Variants in NPNT observed in about 807,000 individuals in gnomAD.
NPNT encodes the protein nephronectin, also known as preosteoblast EGF-like repeat protein with MAM domain.
NPNT carries 45 observed loss-of-function variants against 68.6 expected under a neutral mutation model. The observed-to-expected ratio is 0.66, with a 90% CI of 0.52 to 0.84. NPNT has a LOEUF of 0.84. NPNT is among the 40% of genes least tolerant of loss of function. The pLI, the probability that NPNT is intolerant of heterozygous loss-of-function variation, is 0.00. For synonymous variants in NPNT, 233 were observed against 253.3 expected, an observed-to-expected ratio of 0.92 and a Z score of 0.76; for missense variants, 672 against 714.8, an observed-to-expected ratio of 0.94 and a Z score of 0.68.
Position 105,971,575 on chromosome 4 carries a change from T to C in NPNT, c.*2585T>C, listed in dbSNP as rs1420207937. 6.5e-6 allele frequency: 1 copy of C among 153,448 alleles called. No individual in the cohort carries two copies. The highest frequency in any genetic ancestry group is 2.4e-5 in the African/African-American group (1 of 41,468). The allele number at this position is 153,448 out of a possible 1,614,324, so 9.5% of individuals were successfully genotyped here. A position where few individuals can be genotyped will look rare whatever the true frequency, so the allele number is the denominator to read the frequency against. On this transcript the variant is annotated 3_prime_UTR_variant, in exon 12 of 12. Coordinates refer to ENST00000379987, the MANE Select transcript of NPNT (RefSeq NM_001033047.3). ...ATCCAAAGTACTGTATAACATCTTGTTTATTATTTAATGTTTTCTAAAATA... is the reference window on the plus strand; with the variant it reads ...ATCCAAAGTACTGTATAACATCTTGCTTATTATTTAATGTTTTCTAAAATA...
intron 2 of NPNT, among the ~76,000 whole-genome samples, chr4:105,918,310 CAT>C (rs945283516): frequency 3.3e-5 from 5 of 152,066 alleles, no homozygotes; most frequent in African/African-American, 1.2e-4. Flanking sequence ...CTCTTTTAAA[CAT>C]AGAGATTTTG....
intron 3 of NPNT, among the ~76,000 whole-genome samples, chr4:105,930,013 G>T (rs1332124763): frequency 6.6e-6 from 1 of 152,126 alleles, no homozygotes; most frequent in East Asian, 1.9e-4. Context: ...GTAGCAAAAT[G>T]GGATTTTACA....
chr4:105,926,596 A>G (rs1728700822), intron 2 of NPNT, among the ~76,000 whole-genome samples: 1 of 152,186 alleles, frequency 6.6e-6, no homozygotes, highest in South Asian at 2.1e-4. Context: ...TAGAGAATAA[A>G]CGGAATAAAT....
intron 8 of NPNT, among the ~76,000 whole-genome samples, chr4:105,953,834 C>G (rs1456825850): frequency 1.3e-5 from 2 of 152,200 alleles, no homozygotes; most frequent in Admixed American, 6.5e-5. Flanking sequence ...AATGCCAGAA[C>G]TGGCCTGGGT....
In NPNT at chr4:105,935,102, A is replaced by G. The variant is rs115722662; in HGVS notation, c.266-1907A>G. ...TGTAAACACCGAATCCATTCCCATC[A>G]GGAACTCACAAAAGTTTCTGTTATG... is the stretch of plus-strand genomic sequence containing the variant. On this transcript the variant is annotated intron_variant, in intron 3 of 11. Coordinates refer to ENST00000379987, the MANE Select transcript of NPNT (RefSeq NM_001033047.3). 5.1e-3 allele frequency among the ~76,000 whole-genome samples: 772 copies of G among 152,334 alleles called. 9 individuals carry two copies. Among genetic ancestry groups the G allele is most frequent in the African/African-American group, 0.018 (731 of 41,578 alleles).
At chr4:105,958,684 T>C (rs1433051205) in intron 9 of NPNT, 127 bp downstream of exon 9, 1 of 539,374 alleles carries the variant, frequency 1.9e-6, no homozygotes, top group East Asian at 3.1e-5. Context: ...ACAACTCAGA[T>C]TTTCTTTGTA....
At chr4:105,955,619 A>T (rs77661064) in intron 8 of NPNT, among the ~76,000 whole-genome samples, 1 of 152,092 alleles carries the variant, frequency 6.6e-6, no homozygotes, top group Non-Finnish European at 1.5e-5. Flanking sequence ...GAAAAAAAAA[A>T]TTTCATTTCT....
intron 3 of NPNT, among the ~76,000 whole-genome samples, chr4:105,931,980 A>G (rs961088444): frequency 6.6e-6 from 1 of 152,212 alleles, no homozygotes; most frequent in Admixed American, 6.5e-5. Context: ...AGTCTCACCC[A>G]TCTTATATTT....
intron 2 of NPNT, among the ~76,000 whole-genome samples, chr4:105,905,062 G>A (rs1309156873): frequency 6.6e-6 from 1 of 151,038 alleles, no homozygotes; most frequent in East Asian, 1.9e-4. Flanking sequence ...ATACCTTTGT[G>A]TATAGTATGG....
intron 3 of NPNT, among the ~76,000 whole-genome samples, chr4:105,936,159 A>T (rs1258295230): frequency 1.3e-5 from 2 of 152,222 alleles, no homozygotes; most frequent in Admixed American, 1.3e-4. Flanking sequence ...GATTCATTTC[A>T]TATTGATACT....
intron 2 of NPNT, among the ~76,000 whole-genome samples, chr4:105,907,890 T>C (rs1727041834): frequency 6.6e-6 from 1 of 152,188 alleles, no homozygotes. Flanking sequence ...TAATAAAATT[T>C]CTAATAAAGC....
At chr4:105,907,490 C>T (rs1241976544) in intron 2 of NPNT, among the ~76,000 whole-genome samples, 1 of 152,094 alleles carries the variant, frequency 6.6e-6, no homozygotes, top group East Asian at 1.9e-4. Flanking sequence ...AACGTGGCAG[C>T]GAGCTGAGAA....
chr4:105,938,445 T>C, intron 5 of NPNT, 25 bp downstream of exon 5: 4 of 1,609,638 alleles, frequency 2.5e-6, no homozygotes, highest in Non-Finnish European at 3.4e-6. Context: ...CAAGCATCTC[T>C]GTCAGCAGCC....
At chr4:105,908,537 A>G (rs1727098850) in intron 2 of NPNT, among the ~76,000 whole-genome samples, 1 of 152,016 alleles carries the variant, frequency 6.6e-6, no homozygotes, top group Admixed American at 6.6e-5. Flanking sequence ...TTACTTTGCC[A>G]AAAACCATGT....
At position 105,970,728 on chromosome 4, in the gene NPNT, C is replaced by T; in HGVS notation, c.*1738C>T. ...TCTATTTAAGATGGTTAAAGATGTT[C>T]TTACCCAAGGAAAAGTAACAAATTA... is the stretch of plus-strand genomic sequence containing the variant. On this transcript the variant is annotated 3_prime_UTR_variant, in exon 12 of 12. Coordinates refer to ENST00000379987, the MANE Select transcript of NPNT (RefSeq NM_001033047.3). 5 of 410,434 alleles carry T rather than the reference C, an allele frequency of 1.2e-5. No individual in the cohort carries two copies. The highest frequency in any genetic ancestry group is 1.1e-4 in the South Asian group (5 of 45,496). The allele number at this position is 410,434 out of a possible 1,614,324, so 25.4% of individuals were successfully genotyped here. A position where few individuals can be genotyped will look rare whatever the true frequency, so the allele number is the denominator to read the frequency against.
In NPNT at chr4:105,971,032, G is replaced by A. The variant is rs1732524676; in HGVS notation, c.*2042G>A. The A allele has an allele frequency of 2.7e-6, 1 of 366,190 alleles. No individual in the cohort carries two copies. The highest frequency in any genetic ancestry group is 2.0e-5 in the South Asian group (1 of 49,574). 22.7% of individuals were successfully genotyped at this position (366,190 alleles called of 1,614,324 possible). The stretch of plus-strand genomic sequence containing the variant: ...CTCAGTAATGTCCTAGTGTGGCGGT[G>A]GTTTTCAATGTTTCTTCATGTTAAA... On this transcript the variant is annotated 3_prime_UTR_variant, in exon 12 of 12. Transcript: ENST00000379987.
chr4:105,901,707 G>A (rs776127270), intron 2 of NPNT, among the ~76,000 whole-genome samples: 5 of 152,154 alleles, frequency 3.3e-5, no homozygotes, highest in Non-Finnish European at 7.4e-5. Context: ...GGAAAGATGT[G>A]AAACCTACAC....
rs761520889 is a variant in NPNT at position 105,937,147 on chromosome 4, C to T, written c.385+19C>T. The stretch of plus-strand genomic sequence containing the variant: ...TGCTCAAGTATGTCAAGAATCTTAA[C>T]TGTTTTATAAGTGCTTTGGGCTTGT... On this transcript the variant is annotated intron_variant, in intron 4 of 11. Transcript: ENST00000379987. The T allele has an allele frequency of 6.2e-7, 1 of 1,612,002 alleles. No homozygotes were observed. The highest frequency in any genetic ancestry group is 8.5e-7 in the Non-Finnish European group (1 of 1,179,026).
chr4:105,914,883 C>T (rs923427432), intron 2 of NPNT, among the ~76,000 whole-genome samples: 4 of 152,044 alleles, frequency 2.6e-5, no homozygotes, highest in Non-Finnish European at 5.9e-5. Flanking sequence ...TGATGAGAGA[C>T]GCAGTGGGAG....
Sources: allele counts gnomAD v4.1 joint callset (sites outside exome capture counted in the v4.1 genomes callset), GRCh38; gene constraint gnomAD v4.1.1; transcripts MANE v1.5; gene names NCBI Gene and HGNC (gene_info 2026-07-23, HGNC 2026-07-21).